The following CORIN variants were observed in gnomAD, a reference collection of about 807,000 sequenced individuals.
CORIN encodes atrial natriuretic peptide-converting enzyme.
Under a neutral mutation model 125.3 loss-of-function variants are expected in CORIN, and 117 were observed. That is an observed-to-expected ratio of 0.93 (90% CI 0.80 to 1.09). The LOEUF (loss-of-function observed/expected upper bound fraction) is 1.09. Ranked by LOEUF, CORIN falls within the 50% of genes least tolerant of loss-of-function variation. CORIN has a pLI of 0.00. For synonymous variants in CORIN, 450 were observed against 466.4 expected (o/e 0.96, Z 0.45); for missense variants, 1,253 against 1,306.7 (o/e 0.96, Z 0.63).
chr4:47,671,869 G>A (rs1017292173), intron 10 of CORIN, among the ~76,000 whole-genome samples: 2 of 152,178 alleles, frequency 1.3e-5, no homozygotes, highest in Admixed American at 6.5e-5. Context: ...GATTACAGGC[G>A]TGAGCCACCG....
chr4:47,744,316 G>A (rs1356109116), intron 5 of CORIN, 86 bp downstream of exon 5: 1 of 1,247,802 alleles, frequency 8.0e-7, no homozygotes, highest in Non-Finnish European at 1.1e-6. Flanking sequence ...TTATCAGACT[G>A]TACACTTATT....
rs141836000 is a variant in CORIN at position 47,643,217 on chromosome 4, G to T, written c.1997C>A (p.Ala666Glu). 1 of 1,613,340 alleles carries T rather than the reference G, an allele frequency of 6.2e-7. No individual in the cohort carries two copies. Among genetic ancestry groups the T allele is most frequent in the African/African-American group, 1.3e-5 (1 of 74,896 alleles). Residue 666 changes from alanine to glutamate, a missense_variant, in exon 15 of 22, where the codon GCG (alanine) becomes GAG (glutamate). Transcript: ENST00000273857. ...QDDELECANH[A>E]CVSRDLWCDG... Reference sequence around the variant, plus strand: ...ACACCACAGGTCACGTGACACACACGCATGGTTTGCACATTCCAGCTCATC... The same window carrying T: ...ACACCACAGGTCACGTGACACACACTCATGGTTTGCACATTCCAGCTCATC...
chr4:47,835,023 G>A (rs1043319667), intron 1 of CORIN, among the ~76,000 whole-genome samples: 2 of 152,144 alleles, frequency 1.3e-5, no homozygotes, highest in African/African-American at 4.8e-5. Flanking sequence ...TCCCACCAAG[G>A]CAGGTCATCT....
intron 16 of CORIN, among the ~76,000 whole-genome samples, chr4:47,637,796 G>T (rs1031727557): frequency 2.6e-5 from 4 of 152,200 alleles, no homozygotes; most frequent in African/African-American, 9.7e-5. Flanking sequence ...GGGAAATGTG[G>T]AGTCAGAGAC....
intron 2 of CORIN, among the ~76,000 whole-genome samples, chr4:47,788,793 CTA>C (rs1344357437): frequency 6.6e-6 from 1 of 152,148 alleles, no homozygotes; most frequent in Non-Finnish European, 1.5e-5. Flanking sequence ...CTTGCTGAAT[CTA>C]TGAGTAGGCA....
rs746711935 is a variant in CORIN at position 47,661,812 on chromosome 4, C to A, written c.1634G>T (p.Gly545Val). The change falls in exon 12 of 22, where the codon GGG (glycine) becomes GTG (valine). Residue 545 changes from glycine to valine, a missense_variant. By Grantham distance (109) the Gly-to-Val change is moderately radical. Transcript: ENST00000273857. ...TTCAGGCCACTGTAGGCCCACAATC[C>A]CAAGAACAGACTCACAGCGTTCTTT... is the stretch of plus-strand genomic sequence containing the variant. ...HSKERCESVL[G>V]IVGLQWPEDT... 3 of 1,613,392 alleles carry A rather than the reference C, an allele frequency of 1.9e-6. No homozygotes were observed. In the South Asian group the frequency reaches 3.3e-5, roughly 18 times the overall value.
At chr4:47,805,148 A>AAAAATAAT (rs796469224) in intron 2 of CORIN, among the ~76,000 whole-genome samples, 1 of 129,160 alleles carries the variant, frequency 7.7e-6, no homozygotes, top group South Asian at 2.6e-4. Context: ...AAAAAAAAAA[A>AAAAATAAT]AATAATAATA....
chr4:47,707,589 A>C (rs1261297872), intron 5 of CORIN, among the ~76,000 whole-genome samples: 1 of 152,244 alleles, frequency 6.6e-6, no homozygotes, highest in African/African-American at 2.4e-5. Context: ...ACATGGCAAA[A>C]CTACAGGACC....
Position 47,675,387 on chromosome 4 carries a change from C to A in CORIN, c.1250-887G>T, listed in dbSNP as rs1724968027. Among the ~76,000 whole-genome samples the A allele has an allele frequency of 2.0e-5, 3 of 151,994 alleles. No homozygotes were observed. The South Asian group carries it at 6.2e-4, about 32-fold the overall frequency. ...TGTTTATTATACTGAAATATTTATC[C>A]TTTCCAGTACCACTAATGTGCAAAT... On this transcript the variant is annotated intron_variant, in intron 9 of 21. Coordinates refer to ENST00000273857, the MANE Select transcript of CORIN (RefSeq NM_006587.4).
intron 14 of CORIN, among the ~76,000 whole-genome samples, chr4:47,643,654 T>G (rs1723334962): frequency 6.6e-6 from 1 of 151,456 alleles, no homozygotes; most frequent in Admixed American, 6.6e-5. Flanking sequence ...GCATAATAAG[T>G]TTTTTTTTCC....
rs1006310315 is a variant in CORIN at position 47,625,621 on chromosome 4, T to G, written c.2315+784A>C. Among the ~76,000 whole-genome samples, 13 of 152,294 alleles carry G rather than the reference T, an allele frequency of 8.5e-5. No individual in the cohort carries two copies. The East Asian group carries it at 1.9e-3, about 23-fold the overall frequency. ...ACTTTTTAAGAGGAAATGGTCCATT[T>G]TTAGTTTTCCTCTTTAAAATTCTTA... On this transcript the variant is annotated intron_variant, in intron 17 of 21. Transcript: ENST00000273857.
At chr4:47,616,916 A>G (rs1299994614) in intron 19 of CORIN, among the ~76,000 whole-genome samples, 1 of 152,238 alleles carries the variant, frequency 6.6e-6, no homozygotes, top group Admixed American at 6.5e-5. Flanking sequence ...TAACTTTAGG[A>G]GTAAAGTCTT....
intron 19 of CORIN, among the ~76,000 whole-genome samples, chr4:47,621,871 T>G (rs975224162): frequency 6.6e-6 from 1 of 151,766 alleles, no homozygotes; most frequent in Admixed American, 6.6e-5. Context: ...TTTTATACTT[T>G]AAGTTTTAAG....
chr4:47,807,132 C>G, intron 1 of CORIN, 85 bp from the exon 2 acceptor site: 1 of 1,004,128 alleles, frequency 1.0e-6, no homozygotes, highest in Non-Finnish European at 1.5e-6. Flanking sequence ...CCATTTAGAA[C>G]AGCACATTCC....
At chr4:47,638,747 T>C (rs1723124510) in intron 16 of CORIN, among the ~76,000 whole-genome samples, 2 of 152,196 alleles carry the variant, frequency 1.3e-5, no homozygotes, top group Non-Finnish European at 2.9e-5. Context: ...AGCATAAAAA[T>C]GGACTAATAC....
chr4:47,699,291 GA>G, intron 5 of CORIN, among the ~76,000 whole-genome samples: 1 of 152,154 alleles, frequency 6.6e-6, no homozygotes, highest in African/African-American at 2.4e-5. Flanking sequence ...GGCTTCCTCA[GA>G]AGTATCTGTG....
At chr4:47,712,428 G>A (rs1166845655) in intron 5 of CORIN, among the ~76,000 whole-genome samples, 1 of 152,140 alleles carries the variant, frequency 6.6e-6, no homozygotes, top group African/African-American at 2.4e-5. Flanking sequence ...GACTACAGGT[G>A]TGCATCACCA....
intron 3 of CORIN, among the ~76,000 whole-genome samples, chr4:47,770,154 G>A (rs1729956919): frequency 6.6e-6 from 1 of 151,956 alleles, no homozygotes; most frequent in African/African-American, 2.4e-5. Context: ...ATTTTATTTA[G>A]TAGTTAGGAA....
At chr4:47,797,961 C>CTGATTAGT (rs1731372769) in intron 2 of CORIN, among the ~76,000 whole-genome samples, 3 of 152,066 alleles carry the variant, frequency 2.0e-5, no homozygotes, top group African/African-American at 2.4e-5. Context: ...CAGTATCAGA[C>CTGATTAGT]TATAACTAAT....
Sources: allele counts gnomAD v4.1 joint callset (sites outside exome capture counted in the v4.1 genomes callset), GRCh38; gene constraint gnomAD v4.1.1; transcripts MANE v1.5; gene names NCBI Gene and HGNC (gene_info 2026-07-23, HGNC 2026-07-21).